The following MX1 variants were observed in gnomAD, a reference collection of about 807,000 sequenced individuals.
The protein encoded by MX1 is MX dynamin like GTPase 1, also known as interferon-induced GTP-binding protein Mx1.
Under a neutral mutation model 66.4 loss-of-function variants are expected in MX1, and 66 were observed. The observed-to-expected ratio is 0.99, with a 90% CI of 0.82 to 1.22. The LOEUF is 1.22. Ranked by LOEUF, MX1 falls within the 50% of genes most tolerant of loss-of-function variation. MX1 has a pLI of 0.00. For synonymous variants in MX1, 311 were observed against 318.1 expected, an observed-to-expected ratio of 0.98 and a Z score of 0.24; for missense variants, 787 against 834.3, an observed-to-expected ratio of 0.94 and a Z score of 0.70.
At chr21:41,444,003 G>A in intron 11 of MX1, 137 bp downstream of exon 11, 1 of 803,168 alleles carries the variant, frequency 1.2e-6, no homozygotes, top group South Asian at 1.7e-5. Flanking sequence ...GATTCTGTGG[G>A]TCTGGAGTGG....
At chr21:41,444,967 G>T (rs2090620925) in intron 11 of MX1, among the ~76,000 whole-genome samples, 1 of 152,152 alleles carries the variant, frequency 6.6e-6, no homozygotes, top group African/African-American at 2.4e-5. Flanking sequence ...GCCGTGGAAG[G>T]GTGAGCCAGC....
intron 16 of MX1, among the ~76,000 whole-genome samples, chr21:41,453,813 A>G (rs987743798): frequency 2.0e-5 from 3 of 152,300 alleles, no homozygotes; most frequent in African/African-American, 4.8e-5. Flanking sequence ...CTTACCGGTC[A>G]TAGGTGGGTT....
intron 3 of MX1, chr21:41,429,715 GCTAACACTGTGAGACCCCATCTCTA>G (rs1306994792): frequency 6.6e-6 from 1 of 151,992 alleles, no homozygotes; most frequent in Non-Finnish European, 1.5e-5. Flanking sequence ...GACCATCCTG[GCTAACACTGTGAGACCCCATCTCTA>G]CTAAATAAAT....
intron 16 of MX1, among the ~76,000 whole-genome samples, chr21:41,455,342 C>T (rs1248211339): frequency 6.6e-6 from 1 of 152,186 alleles, no homozygotes; most frequent in Admixed American, 6.5e-5. Context: ...GTGAGTGAAG[C>T]CAGTTAAGGG....
rs1236410980 is a variant in MX1 at position 41,458,877 on chromosome 21, T to A, written c.*119T>A. On this transcript the variant is annotated 3_prime_UTR_variant, in exon 17 of 17. Transcript: ENST00000398598. ...AGACTGGATAGTCCGTCTCTGCTTA[T>A]CCGTTAGCCGTGGTGATTTAGCAGG... 3 of 1,445,758 alleles carry A rather than the reference T, an allele frequency of 2.1e-6. No homozygotes were observed. The highest frequency in any genetic ancestry group is 2.7e-6 in the Non-Finnish European group (3 of 1,098,202). 89.6% of individuals were successfully genotyped at this position (1,445,758 alleles called of 1,614,324 possible). A position where few individuals can be genotyped will look rare whatever the true frequency, so the allele number is the denominator to read the frequency against.
At position 41,441,777 on chromosome 21, in the gene MX1, G is replaced by A. The variant is rs1214118645; in HGVS notation, c.792G>A (p.Val264=). 2 of 1,614,208 alleles carry A rather than the reference G, an allele frequency of 1.2e-6. No homozygotes were observed. The highest frequency in any genetic ancestry group is 8.5e-7 in the Non-Finnish European group (1 of 1,180,038). ...KGTEDKVVDV[V]RNLVFHLKKG... The stretch of plus-strand genomic sequence containing the variant: ...CTGAAGACAAGGTTGTGGACGTGGT[G>A]CGGAACCTCGTGTTCCACCTGAAGA... The change falls in exon 10 of 17, where the codon GTG becomes GTA. Residue 264 remains valine (V), a synonymous_variant. Transcript: ENST00000398598. This position sits in a 1 kb window ranked among gnomAD's most constrained non-coding sequence, Gnocchi z 4.0.
At position 41,443,818 on chromosome 21, in the gene MX1, T is replaced by C. The variant is rs530434547; in HGVS notation, c.960T>C (p.Val320=). 11 of 1,614,110 alleles carry C rather than the reference T, an allele frequency of 6.8e-6. No homozygotes were observed. The highest frequency in any genetic ancestry group is 8.5e-6 in the Non-Finnish European group (10 of 1,180,040). Residue 320 remains valine, a synonymous_variant, in exon 11 of 17, where the codon GTT becomes GTC. Coordinates refer to ENST00000398598, the MANE Select transcript of MX1 (RefSeq NM_002462.5). ...TGCTGGAGGAAGGAAAGGCCACGGT[T>C]CCCTGCCTGGCAGAAAAACTTACCA... ...RDLLEEGKAT[V]PCLAEKLTSE...
rs1046508917 is a variant in MX1 at position 41,441,445 on chromosome 21, C to A, written c.731-271C>A. On this transcript the variant is annotated intron_variant, in intron 9 of 16. Coordinates refer to ENST00000398598, the MANE Select transcript of MX1 (RefSeq NM_002462.5). The surrounding 1 kb of genome is among the most constrained non-coding windows in gnomAD (Gnocchi z 4.0). ...GGATGTCCATAACTCAAGGGATAAACAAAACGTGGCGTGTTCTACAGTGGA... is the reference window on the plus strand; with the variant it reads ...GGATGTCCATAACTCAAGGGATAAAAAAAACGTGGCGTGTTCTACAGTGGA... 1 of 530,864 alleles carries A rather than the reference C, an allele frequency of 1.9e-6. No individual in the cohort carries two copies. Among genetic ancestry groups the A allele is most frequent in the Non-Finnish European group, 3.4e-6 (1 of 292,686 alleles). The allele number at this position is 530,864 out of a possible 1,614,324, so 32.9% of individuals were successfully genotyped here.
rs769282718 is a variant in MX1 at position 41,452,871 on chromosome 21, T to C, written c.1758+2T>C. Reference sequence around the variant, plus strand: ...CAGCACCTGATGGCCTATCACCAGGTACGTCTTCGCGTGGTTCAGGATGCC... The same window carrying C: ...CAGCACCTGATGGCCTATCACCAGGCACGTCTTCGCGTGGTTCAGGATGCC... On this transcript the variant is annotated splice_donor_variant, in intron 16 of 16. Transcript: ENST00000398598. LOFTEE classifies it high-confidence loss of function. 7 of 1,613,926 alleles carry C rather than the reference T, an allele frequency of 4.3e-6. No homozygotes were observed.
At chr21:41,444,020 G>C (rs1415068167) in intron 11 of MX1, among the ~76,000 whole-genome samples, 154 bp downstream of exon 11, 1 of 152,174 alleles carries the variant, frequency 6.6e-6, no homozygotes, top group Non-Finnish European at 1.5e-5. Flanking sequence ...GTGGGGCCTA[G>C]AATTCTGCAT....
At chr21:41,457,457 C>A (rs532419709) in intron 16 of MX1, among the ~76,000 whole-genome samples, 1 of 152,224 alleles carries the variant, frequency 6.6e-6, no homozygotes, top group Admixed American at 6.5e-5. Context: ...TTACATGATA[C>A]CTTTGGCCCA....
chr21:41,452,511 T>C, intron 15 of MX1, 110 bp from the exon 16 acceptor site: 1 of 1,230,364 alleles, frequency 8.1e-7, no homozygotes, highest in Non-Finnish European at 1.1e-6. Flanking sequence ...GGAAACGTGC[T>C]GTTTCACTCA....
rs1568980884 is a variant in MX1, at chr21:41,441,232, C to T, written c.730+207C>T. Reference sequence around the variant, plus strand: ...ATGGGCTTTGCTCAGTGGGGACCTGCCTCCACTAAGACCTGCTAAGGGAGC... The same window carrying T: ...ATGGGCTTTGCTCAGTGGGGACCTGTCTCCACTAAGACCTGCTAAGGGAGC... On this transcript the variant is annotated intron_variant, in intron 9 of 16. Coordinates refer to ENST00000398598, the MANE Select transcript of MX1 (RefSeq NM_002462.5). This position sits in a 1 kb window ranked among gnomAD's most constrained non-coding sequence, Gnocchi z 4.0. The T allele has an allele frequency of 2.9e-6, 2 of 684,954 alleles. No individual in the cohort carries two copies. Among genetic ancestry groups the T allele is most frequent in the Non-Finnish European group, 2.3e-6 (1 of 430,410 alleles). The allele number at this position is 684,954 out of a possible 1,614,324, so 42.4% of individuals were successfully genotyped here.
upstream of MX1, chr21:41,423,156 C>T (rs368211702): frequency 1.4e-4 from 22 of 153,844 alleles, 1 homozygote; most frequent in South Asian, 3.5e-3. Flanking sequence ...CGAATGGGAG[C>T]GGCAATGGGT....
chr21:41,434,786 T>C (rs1010737075), intron 5 of MX1, among the ~76,000 whole-genome samples: 5 of 152,230 alleles, frequency 3.3e-5, no homozygotes, highest in Non-Finnish European at 5.9e-5. Flanking sequence ...TTGTTATTAT[T>C]GATGTTCAAA....
chr21:41,451,297 A>G (rs1601533527), intron 15 of MX1, 54 bp downstream of exon 15: 1 of 1,140,472 alleles, frequency 8.8e-7, no homozygotes, highest in East Asian at 2.3e-5. Flanking sequence ...ATTAAGCTTG[A>G]CACTAGAAAA....
At chr21:41,424,624 A>G (rs1452087205), upstream of MX1, among the ~76,000 whole-genome samples, 1 of 152,156 alleles carries the variant, frequency 6.6e-6, no homozygotes, top group Non-Finnish European at 1.5e-5. Flanking sequence ...CCCAAAGGGA[A>G]ATGCCATCTC....
intron 4 of MX1, among the ~76,000 whole-genome samples, chr21:41,431,526 G>T (rs1410715179): frequency 6.6e-6 from 1 of 150,646 alleles, no homozygotes; most frequent in Non-Finnish European, 1.5e-5. Context: ...CCCAGACTGG[G>T]GTGCAGTGGC....
At chr21:41,435,769 C>G in intron 5 of MX1, 68 bp from the exon 6 acceptor site, 1 of 1,534,060 alleles carries the variant, frequency 6.5e-7, no homozygotes, top group Non-Finnish European at 8.9e-7. Context: ...GGTAGGGACA[C>G]AGAACCAAAC....
Sources: allele counts gnomAD v4.1 joint callset (sites outside exome capture counted in the v4.1 genomes callset), GRCh38; gene constraint gnomAD v4.1.1; non-coding constraint Gnocchi (gnomAD v3.1); transcripts MANE v1.5; gene names NCBI Gene and HGNC (gene_info 2026-07-23, HGNC 2026-07-21).